PLEKHA1: variants seen among roughly 807,000 people sequenced by gnomAD.
The protein encoded by PLEKHA1 is pleckstrin homology domain containing A1.
A neutral mutation model predicts 52.0 loss-of-function variants in PLEKHA1; 34 were observed. The ratio of observed to expected loss-of-function variants is 0.65; its 90% CI spans 0.50 to 0.87. PLEKHA1 has a LOEUF of 0.87. PLEKHA1 is among the 40% of genes least tolerant of loss of function. PLEKHA1 has a pLI of 0.00. For missense variants in PLEKHA1, 497 were observed against 504.2 expected, an observed-to-expected ratio of 0.99 and a Z score of 0.14; for synonymous variants, 163 against 170.7, an observed-to-expected ratio of 0.95 and a Z score of 0.35.
intron 11 of PLEKHA1, among the ~76,000 whole-genome samples, chr10:122,429,058 G>T (rs2097382767): frequency 6.6e-6 from 1 of 152,100 alleles, no homozygotes; most frequent in African/African-American, 2.4e-5. Context: ...AAAATGAAAA[G>T]ACTGTGCTAT....
intron 1 of PLEKHA1, among the ~76,000 whole-genome samples, chr10:122,375,312 TC>T (rs2096513963): frequency 6.6e-6 from 1 of 151,992 alleles, no homozygotes; most frequent in South Asian, 2.1e-4. Flanking sequence ...GGGCATCCTT[TC>T]CTGGTGTTTA....
chr10:122,420,184 G>A (rs1319914786), intron 8 of PLEKHA1: 1 of 152,094 alleles, frequency 6.6e-6, no homozygotes, highest in African/African-American at 2.4e-5. Flanking sequence ...GGACATTGGT[G>A]GCTCCAAGTC....
rs117705466 is a variant in PLEKHA1, at chr10:122,381,591, G to A, written c.-21+6785G>A. ...ACCATGATTGTAAGTTTCTTGAGGC[G>A]TCCCCAGTCATGCCTCCTGTACAGA... is the stretch of plus-strand genomic sequence containing the variant. On this transcript the variant is annotated intron_variant, in intron 1 of 11. Coordinates refer to ENST00000368990, the MANE Select transcript of PLEKHA1 (RefSeq NM_001001974.4). 1.6e-3 allele frequency among the ~76,000 whole-genome samples: 245 copies of A among 152,214 alleles called. 5 individuals are homozygous for A. The East Asian group carries it at 0.043, about 27-fold the overall frequency.
intron 1 of PLEKHA1, among the ~76,000 whole-genome samples, chr10:122,392,670 G>A (rs1233988895): frequency 6.6e-6 from 1 of 152,134 alleles, no homozygotes; most frequent in Non-Finnish European, 1.5e-5. Flanking sequence ...TGTGTATTAA[G>A]TTCCTTATCT....
chr10:122,407,182 C>T (rs2097030157), intron 5 of PLEKHA1, among the ~76,000 whole-genome samples: 1 of 152,094 alleles, frequency 6.6e-6, no homozygotes, highest in African/African-American at 2.4e-5. Context: ...GCCAGAGGGT[C>T]CTGTCCATGT....
chr10:122,400,304 A>G, intron 3 of PLEKHA1, 39 bp from the exon 4 acceptor site: 1 of 1,568,284 alleles, frequency 6.4e-7, no homozygotes, highest in Non-Finnish European at 8.6e-7. Context: ...TTAGGATTAT[A>G]TGGAGAAGTG....
chr10:122,388,426 T>G (rs1028456549), intron 1 of PLEKHA1, among the ~76,000 whole-genome samples: 1 of 152,208 alleles, frequency 6.6e-6, no homozygotes, highest in Non-Finnish European at 1.5e-5. Flanking sequence ...TTTTGGCTAT[T>G]TGTGAGTAGT....
At chr10:122,418,644 A>G (rs1472446776) in intron 8 of PLEKHA1, 1 of 152,176 alleles carries the variant, frequency 6.6e-6, no homozygotes, top group Non-Finnish European at 1.5e-5. Flanking sequence ...ATCACTTCAC[A>G]TAAGATGTTT....
intron 4 of PLEKHA1, among the ~76,000 whole-genome samples, chr10:122,406,210 A>G (rs1350260033): frequency 6.6e-6 from 1 of 152,206 alleles, no homozygotes; most frequent in Admixed American, 6.5e-5. Flanking sequence ...CTTTGACCCA[A>G]CAAATCTATG....
At chr10:122,416,758 T>C (rs2133210971) in intron 7 of PLEKHA1, among the ~76,000 whole-genome samples, 1 of 152,312 alleles carries the variant, frequency 6.6e-6, no homozygotes, top group South Asian at 2.1e-4. Flanking sequence ...AAATTAACTT[T>C]AAAGTTTGAA....
intron 1 of PLEKHA1, chr10:122,387,263 T>C (rs2096712765): frequency 6.6e-6 from 1 of 152,192 alleles, no homozygotes; most frequent in Admixed American, 6.5e-5. Context: ...TTAGACCTTT[T>C]CTAATAAAAA....
chr10:122,378,631 G>C (rs1459078106), intron 1 of PLEKHA1, among the ~76,000 whole-genome samples: 4 of 151,946 alleles, frequency 2.6e-5, no homozygotes, highest in South Asian at 2.1e-4. Flanking sequence ...AGCTAGTTGG[G>C]AGGCTGTTGT....
At chr10:122,442,137 C>T in the PLEKHA1 span, 3 of 152,356 alleles carry the variant, frequency 2.0e-5, no homozygotes, top group Non-Finnish European at 4.4e-5. Flanking sequence ...TCATTACCTT[C>T]CATGACTCAC....
chr10:122,415,698 A>T (rs2097164394), intron 6 of PLEKHA1, among the ~76,000 whole-genome samples, 161 bp from the exon 7 acceptor site: 1 of 152,240 alleles, frequency 6.6e-6, no homozygotes, highest in South Asian at 2.1e-4. Flanking sequence ...AATCAGTGAC[A>T]GGAAAATTAA....
Position 122,424,214 on chromosome 10 carries a change from C to T in PLEKHA1, c.697C>T (p.Arg233Cys), listed in dbSNP as rs760283125. The T allele has an allele frequency of 1.1e-5, 17 of 1,536,594 alleles. No homozygotes were observed. The highest frequency in any genetic ancestry group is 4.8e-5 in the African/African-American group (3 of 62,492). The change falls in exon 9 of 12, where the codon CGT becomes TGT. Residue 233 changes from arginine to cysteine, a missense_variant. Coordinates refer to ENST00000368990, the MANE Select transcript of PLEKHA1 (RefSeq NM_001001974.4). ...FKSELEKEPLRVIPLKEVHKV... is the reference protein window; with the variant it reads ...FKSELEKEPLCVIPLKEVHKV... ...TTTTTGCCAGGAAAAGGAACCTCTT[C>T]GTGTAATACCACTTAAAGAGGTTCA...
rs143773736 is a variant in PLEKHA1, at chr10:122,377,243, C to T, written c.-21+2437C>T. Among the ~76,000 whole-genome samples, 49 of 152,242 alleles carry T rather than the reference C, an allele frequency of 3.2e-4. 1 individual carries two copies. The East Asian group carries it at 8.9e-3, about 28-fold the overall frequency. ...TAGTAATTATTTGTGACAATAGTAA[C>T]ATTGCTTTTATTAGAAAATTTTGGG... On this transcript the variant is annotated intron_variant, in intron 1 of 11. Transcript: ENST00000368990.
At chr10:122,380,188 G>T (rs938887603) in intron 1 of PLEKHA1, among the ~76,000 whole-genome samples, 1 of 152,124 alleles carries the variant, frequency 6.6e-6, no homozygotes, top group African/African-American at 2.4e-5. Context: ...GAAACTTAAC[G>T]TTAATCTTTG....
the PLEKHA1 span, chr10:122,439,109 T>C: frequency 6.6e-6 from 1 of 152,230 alleles, no homozygotes; most frequent in Non-Finnish European, 1.5e-5. Flanking sequence ...GTGATTGAAT[T>C]TTGTTAAATA....
At chr10:122,413,101 ATAT>A in intron 6 of PLEKHA1, 56 bp downstream of exon 6, 4 of 1,452,618 alleles carry the variant, frequency 2.8e-6, no homozygotes. Context: ...ATTGATTTTT[ATAT>A]TATTAAAACT....
Sources: gnomAD v4.1 joint callset for allele counts (sites outside exome capture counted in the v4.1 genomes callset) on GRCh38, gnomAD v4.1.1 for gene constraint, MANE v1.5 for transcripts, NCBI Gene and HGNC (gene_info 2026-07-23, HGNC 2026-07-21) for gene names.